The following ARFGEF2 variants were observed in gnomAD, a reference collection of about 807,000 sequenced individuals.
ARFGEF2 encodes the protein ARF guanine nucleotide exchange factor 2.
Under a neutral mutation model 219.9 loss-of-function variants are expected in ARFGEF2, and 74 were observed. The ratio of observed to expected loss-of-function variants is 0.34; its 90% CI spans 0.28 to 0.41. The LOEUF is 0.41. Ranked by LOEUF, ARFGEF2 falls within the 10% of genes least tolerant of loss-of-function variation. The pLI, the probability that ARFGEF2 is intolerant of heterozygous loss-of-function variation, is 1.00. For synonymous variants in ARFGEF2, 733 were observed against 799.2 expected (o/e 0.92, Z 1.40); for missense variants, 1,743 against 2,218.3 (o/e 0.79, Z 4.30).
chr20:48,992,012 G>T (rs1306266219), intron 21 of ARFGEF2, among the ~76,000 whole-genome samples: 1 of 152,136 alleles, frequency 6.6e-6, no homozygotes, highest in Non-Finnish European at 1.5e-5. Flanking sequence ...GGAAATTCTA[G>T]GTGTGACAGA....
intron 14 of ARFGEF2, among the ~76,000 whole-genome samples, chr20:48,984,175 C>T (rs991843496): frequency 2.0e-5 from 3 of 152,174 alleles, no homozygotes; most frequent in Non-Finnish European, 4.4e-5. Context: ...CATCAGAGAT[C>T]CAGGCTCCTT....
At chr20:49,022,972 C>T (rs2091574879) in intron 34 of ARFGEF2, 79 bp from the exon 35 acceptor site, 2 of 1,580,852 alleles carry the variant, frequency 1.3e-6, no homozygotes, top group Non-Finnish European at 1.7e-6. Context: ...TCATGCCTTG[C>T]ACATAGTAGG....
Position 48,995,772 on chromosome 20 carries a change from TTG to T in ARFGEF2, c.3122-7_3122-6del, listed in dbSNP as rs1195603458. On this transcript the variant is annotated splice_polypyrimidine_tract_variant and intron_variant, in intron 22 of 38. Coordinates refer to ENST00000371917, the MANE Select transcript of ARFGEF2 (RefSeq NM_006420.3). The stretch of plus-strand genomic sequence containing the variant: ...TTTGAAGTACTGCTGATTTTGTGCA[TTG>T]TGTTTCAGGTAATTTGGTGAGTGGC... The T allele has an allele frequency of 2.5e-6, 4 of 1,612,838 alleles. No homozygotes were observed. Among genetic ancestry groups the T allele is most frequent in the Non-Finnish European group, 3.4e-6 (4 of 1,178,936 alleles).
chr20:48,955,178 C>G (rs1037162772), intron 6 of ARFGEF2, among the ~76,000 whole-genome samples: 2 of 152,134 alleles, frequency 1.3e-5, no homozygotes, highest in Non-Finnish European at 2.9e-5. Flanking sequence ...GCTTATACCT[C>G]TCTTTCTCTT....
chr20:48,941,305 T>C, intron 2 of ARFGEF2, 76 bp downstream of exon 2: 2 of 1,480,560 alleles, frequency 1.4e-6, no homozygotes, highest in East Asian at 2.3e-5. Context: ...CCTCTTTCTC[T>C]GCTTGGTTTC....
In ARFGEF2 at chr20:49,011,983, T is replaced by A. The variant is rs779241429; in HGVS notation, c.3817T>A (p.Cys1273Ser). Residue 1273 changes from cysteine (C) to serine (S), a missense_variant, in exon 28 of 39, where the codon TGC (cysteine) becomes AGC (serine). This residue lies in a region of ARFGEF2 where 578 missense variants were observed against 664.0 expected (regional missense o/e 0.87). Coordinates refer to ENST00000371917, the MANE Select transcript of ARFGEF2 (RefSeq NM_006420.3). ...AIDSFQDAVK[C>S]LSEFACNAAF... ...CGATTCCTTTCAGGATGCTGTGAAG[T>A]GCTTATCAGAGTTCGCCTGCAACGC... is the stretch of plus-strand genomic sequence containing the variant. 5 of 1,614,104 alleles carry A rather than the reference T, an allele frequency of 3.1e-6. No homozygotes were observed. In the South Asian group the frequency reaches 5.5e-5, roughly 18 times the overall value.
chr20:48,949,770 A>C (rs2091053191), intron 3 of ARFGEF2, among the ~76,000 whole-genome samples: 1 of 152,124 alleles, frequency 6.6e-6, no homozygotes, highest in Non-Finnish European at 1.5e-5. Context: ...CAGGAACCTG[A>C]GTCCCCCTGG....
chr20:48,973,389 C>T, intron 12 of ARFGEF2, 105 bp downstream of exon 12: 1 of 1,235,958 alleles, frequency 8.1e-7, no homozygotes, highest in East Asian at 2.5e-5. Context: ...CAGCAGTGAA[C>T]AAAACAGGAA....
chr20:48,961,283 A>G (rs1227576656), intron 6 of ARFGEF2, among the ~76,000 whole-genome samples: 1 of 151,218 alleles, frequency 6.6e-6, no homozygotes, highest in Non-Finnish European at 1.5e-5. Context: ...TTTTTTTTCT[A>G]TTTCTTAAAT....
In ARFGEF2 at chr20:49,010,392, T is replaced by A. The variant is rs1308414756; in HGVS notation, c.3745T>A (p.Cys1249Ser). The change falls in exon 27 of 39, where the codon TGC becomes AGC. Residue 1249 changes from cysteine to serine, a missense_variant. Physicochemically the swap from Cys to Ser is moderately radical, Grantham distance 112. This residue lies in a region of ARFGEF2 where 578 missense variants were observed against 664.0 expected (regional missense o/e 0.87). Coordinates refer to ENST00000371917, the MANE Select transcript of ARFGEF2 (RefSeq NM_006420.3). The part of the protein sequence containing the change: ...NIVELAFQTT[C>S]HIVTTIFQHH... The stretch of plus-strand genomic sequence containing the variant: ...TGTGGAGCTGGCCTTCCAGACCACT[T>A]GCCACATTGTCAGTAAGTGGCTCTG... 6.2e-7 allele frequency: 1 copy of A among 1,614,000 alleles called. No individual in the cohort carries two copies. The highest frequency in any genetic ancestry group is 1.1e-5 in the South Asian group (1 of 91,086).
At chr20:48,962,491 T>G (rs1006156491) in intron 6 of ARFGEF2, among the ~76,000 whole-genome samples, 2 of 152,148 alleles carry the variant, frequency 1.3e-5, no homozygotes, top group Non-Finnish European at 2.9e-5. Context: ...AAATACATAA[T>G]AATATATAAT....
chr20:49,020,838 G>T (rs1182232640), intron 34 of ARFGEF2, among the ~76,000 whole-genome samples: 1 of 152,018 alleles, frequency 6.6e-6, no homozygotes, highest in African/African-American at 2.4e-5. Context: ...TCTCCGTGCA[G>T]TGAGAGTCTA....
At chr20:48,990,679 T>C (rs529919279) in intron 20 of ARFGEF2, among the ~76,000 whole-genome samples, 235 of 152,358 alleles carry the variant, frequency 1.5e-3, no homozygotes, top group African/African-American at 5.0e-3. Context: ...CACCAATTCA[T>C]TTCCTCATTT....
chr20:49,028,444 C>A, intron 36 of ARFGEF2, 86 bp from the exon 37 acceptor site: 1 of 1,418,048 alleles, frequency 7.1e-7, no homozygotes, highest in South Asian at 1.2e-5. Flanking sequence ...TTTCATATTT[C>A]ATAAAATAAC....
At chr20:49,026,342 A>G (rs943492130) in intron 36 of ARFGEF2, among the ~76,000 whole-genome samples, 1 of 152,130 alleles carries the variant, frequency 6.6e-6, no homozygotes, top group Admixed American at 6.5e-5. Context: ...GAAAAAAAAA[A>G]GAAATTTTAC....
At chr20:48,929,375 A>G (rs2090899265) in intron 1 of ARFGEF2, among the ~76,000 whole-genome samples, 1 of 152,228 alleles carries the variant, frequency 6.6e-6, no homozygotes, top group South Asian at 2.1e-4. Flanking sequence ...CGTTCTGAAT[A>G]TAGCCCTTTT....
chr20:48,963,024 A>T (rs186405481), intron 6 of ARFGEF2, among the ~76,000 whole-genome samples: 2 of 152,206 alleles, frequency 1.3e-5, no homozygotes, highest in East Asian at 3.9e-4. Context: ...CCTAGGCAAC[A>T]TAGAGAAACC....
intron 3 of ARFGEF2, among the ~76,000 whole-genome samples, chr20:48,942,558 C>T (rs2091000018): frequency 7.1e-6 from 1 of 140,540 alleles, no homozygotes; most frequent in Non-Finnish European, 1.5e-5. Context: ...GACCTCAGCT[C>T]ACTGCAACGT....
intron 30 of ARFGEF2, 139 bp downstream of exon 30, chr20:49,014,099 A>G (rs560196282): frequency 1.8e-6 from 2 of 1,114,976 alleles, no homozygotes; most frequent in Admixed American, 3.6e-5. Flanking sequence ...AAATGGAAAC[A>G]CCTTTCTGAT....
Sources: gnomAD v4.1 joint callset for allele counts (sites outside exome capture counted in the v4.1 genomes callset) on GRCh38, gnomAD v4.1.1 for gene constraint, gnomAD v4.1.1 regional missense constraint, MANE v1.5 for transcripts, NCBI Gene and HGNC (gene_info 2026-07-23, HGNC 2026-07-21) for gene names.